Variants in CEP89 observed in about 807,000 individuals in gnomAD.
CEP89 encodes the protein centrosomal protein of 89 kDa.
CEP89 carries 95 observed loss-of-function variants against 97.6 expected under a neutral mutation model. The observed-to-expected ratio is 0.97, with a 90% CI of 0.82 to 1.15. The LOEUF is 1.15. Ranked by LOEUF, CEP89 falls within the 50% of genes most tolerant of loss-of-function variation. The pLI, the probability that CEP89 is intolerant of heterozygous loss-of-function variation, is 0.00. For missense variants in CEP89, 869 were observed against 947.7 expected (o/e 0.92, Z 1.09); for synonymous variants, 354 against 349.1 (o/e 1.01, Z -0.16).
intron 4 of CEP89, among the ~76,000 whole-genome samples, chr19:32,952,920 A>AAAAAG (rs1357447449): frequency 2.7e-5 from 4 of 150,652 alleles, no homozygotes; most frequent in Admixed American, 6.6e-5. Flanking sequence ...AAAAAAAAAA[A>AAAAAG]AAAAGAAAAG....
In CEP89 at chr19:32,948,298, G is replaced by A; in HGVS notation, c.563C>T (p.Ser188Phe). The change falls in exon 5 of 19, where the codon TCC (serine) becomes TTC (phenylalanine). Residue 188 changes from serine (S) to phenylalanine (F), a missense_variant. By Grantham distance (155) the Ser-to-Phe change is radical (BLOSUM62 -2). Coordinates refer to ENST00000305768, the MANE Select transcript of CEP89 (RefSeq NM_032816.5). ...NISHQDGFPG[S>F]PPAPQRTQQK... ...TTGTGTCCGCTGTGGTGCAGGAGGGGAGCCTGGAAACCCATCTTGATGAGA... is the reference window on the plus strand; with the variant it reads ...TTGTGTCCGCTGTGGTGCAGGAGGGAAGCCTGGAAACCCATCTTGATGAGA... 6.2e-7 allele frequency: 1 copy of A among 1,610,702 alleles called. No homozygotes were observed. The highest frequency in any genetic ancestry group is 8.5e-7 in the Non-Finnish European group (1 of 1,178,258).
intron 14 of CEP89, among the ~76,000 whole-genome samples, chr19:32,904,951 TTC>T (rs1969858859): frequency 6.6e-6 from 1 of 152,234 alleles, no homozygotes; most frequent in Non-Finnish European, 1.5e-5. Flanking sequence ...TTTATAAATT[TTC>T]TGTTTTGAAC....
At chr19:32,961,569 A>G (rs1383053715) in intron 2 of CEP89, among the ~76,000 whole-genome samples, 1 of 118,934 alleles carries the variant, frequency 8.4e-6, no homozygotes, top group Non-Finnish European at 1.6e-5. Context: ...ACAGAGCGAG[A>G]CTCCATCTCA....
chr19:32,925,557 C>T (rs537960610), intron 11 of CEP89, among the ~76,000 whole-genome samples: 13 of 146,602 alleles, frequency 8.9e-5, no homozygotes, highest in South Asian at 2.2e-4. Context: ...GATGCAATCT[C>T]GGCTCACTGC....
chr19:32,903,676 A>C lies in CEP89; in HGVS notation c.1566-2264T>G, dbSNP rs191546095. Among the ~76,000 whole-genome samples the C allele has an allele frequency of 1.5e-4, 23 of 152,352 alleles. No homozygotes were observed. In the East Asian group the frequency reaches 4.4e-3, roughly 29 times the overall value. ...ATAGTAATAGACACTGTCTGATTGA[A>C]GCCCAGAGAGAAACAAGTGTGGGCT... On this transcript the variant is annotated intron_variant, in intron 14 of 18. Coordinates refer to ENST00000305768, the MANE Select transcript of CEP89 (RefSeq NM_032816.5).
intron 5 of CEP89, among the ~76,000 whole-genome samples, chr19:32,942,590 A>G (rs2145943279): frequency 6.6e-6 from 1 of 152,316 alleles, no homozygotes; most frequent in South Asian, 2.1e-4. Flanking sequence ...ATAAAGATTA[A>G]ACTTACAATT....
intron 11 of CEP89, 59 bp from the exon 12 acceptor site, chr19:32,923,601 G>T (rs1970297385): frequency 1.9e-6 from 2 of 1,075,970 alleles, no homozygotes; most frequent in Non-Finnish European, 2.9e-6. Flanking sequence ...ATATTTCTCA[G>T]TTCTGGTGCT....
intron 12 of CEP89, among the ~76,000 whole-genome samples, chr19:32,921,096 C>T (rs1477206493): frequency 1.3e-5 from 2 of 151,794 alleles, no homozygotes; most frequent in Admixed American, 6.6e-5. Context: ...GTGGTGGGCG[C>T]CTGTAATCCC....
intron 11 of CEP89, among the ~76,000 whole-genome samples, chr19:32,924,004 CTTTTT>C (rs746080149): frequency 3.1e-5 from 4 of 129,740 alleles, no homozygotes; most frequent in African/African-American, 2.8e-5. Context: ...GGAGGAAGCT[CTTTTT>C]TTTTTTTTTT....
chr19:32,912,570 ACT>A (rs1443494185), intron 14 of CEP89, among the ~76,000 whole-genome samples: 6 of 151,502 alleles, frequency 4.0e-5, no homozygotes, highest in South Asian at 4.2e-4. Context: ...AAGAAATCTC[ACT>A]CTCTCTCTTT....
chr19:32,902,008 C>CTGTGTGTGTGTGTGTGTGTG (rs1265424963), intron 14 of CEP89, among the ~76,000 whole-genome samples: 54 of 99,640 alleles, frequency 5.4e-4, no homozygotes, highest in African/African-American at 2.2e-3. Flanking sequence ...CTCTCTCTCT[C>CTGTGTGTGTGTGTGTGTGTG]TCTGTGTGTG....
At chr19:32,942,849 CT>C (rs757161677) in intron 5 of CEP89, among the ~76,000 whole-genome samples, 20,605 of 136,172 alleles carry the variant, frequency 0.15, 1,752 homozygotes, top group Non-Finnish European at 0.21. Flanking sequence ...CTATTCCAGT[CT>C]TTTTTTTTTT....
At chr19:32,939,825 A>C (rs757506450) in intron 6 of CEP89, 32 bp downstream of exon 6, 4 of 1,001,474 alleles carry the variant, frequency 4.0e-6, no homozygotes, top group Non-Finnish European at 6.0e-6. Context: ...CTATTTATTG[A>C]GAAAATCAGT....
chr19:32,918,878 C>CTTTTCTTTT lies in CEP89; in HGVS notation c.1269-540_1269-539insAAAAGAAAA, dbSNP rs1568559832. Reference sequence around the variant, plus strand: ...GGTTTCTTTTTTCTTTTTTCTTTTTCTTTTTCTTTTTTTTTTTTTTTTTTG... The same window carrying CTTTTCTTTT: ...GGTTTCTTTTTTCTTTTTTCTTTTTCTTTTCTTTTTTTTTCTTTTTTTTTTTTTTTTTTG... On this transcript the variant is annotated intron_variant, in intron 12 of 18. Coordinates refer to ENST00000305768, the MANE Select transcript of CEP89 (RefSeq NM_032816.5). 1.8e-5 allele frequency among the ~76,000 whole-genome samples: 2 copies of CTTTTCTTTT among 110,844 alleles called. 1 individual carries two copies. Among genetic ancestry groups the CTTTTCTTTT allele is most frequent in the African/African-American group, 7.1e-5 (2 of 28,342 alleles). 72.7% of individuals were successfully genotyped at this position (110,844 alleles called of 152,430 possible).
intron 5 of CEP89, among the ~76,000 whole-genome samples, chr19:32,942,629 A>C (rs1267385498): frequency 6.6e-6 from 1 of 152,240 alleles, no homozygotes; most frequent in Non-Finnish European, 1.5e-5. Context: ...TGTTGTATTT[A>C]ATGTACATTT....
chr19:32,896,477 G>A (rs1969644326), intron 16 of CEP89, among the ~76,000 whole-genome samples: 1 of 152,032 alleles, frequency 6.6e-6, no homozygotes, highest in African/African-American at 2.4e-5. Context: ...ACTCACAATG[G>A]TTTAAAGACT....
At chr19:32,929,229 G>A (rs1043690387) in intron 9 of CEP89, among the ~76,000 whole-genome samples, 11 of 152,098 alleles carry the variant, frequency 7.2e-5, no homozygotes, top group African/African-American at 2.4e-4. Flanking sequence ...ACAAATGTAC[G>A]TGATATACAA....
chr19:32,927,913 TTTTTTC>T (rs1388946112), intron 9 of CEP89, among the ~76,000 whole-genome samples: 2 of 149,558 alleles, frequency 1.3e-5, no homozygotes, highest in African/African-American at 4.9e-5. Flanking sequence ...CTTTTTTTTT[TTTTTTC>T]TTTTTTTTTT....
At chr19:32,879,650 C>T (rs188092622) in intron 18 of CEP89, among the ~76,000 whole-genome samples, 24 of 152,352 alleles carry the variant, frequency 1.6e-4, no homozygotes, top group African/African-American at 5.3e-4. Flanking sequence ...AGGCATTTCT[C>T]TTCCCTCTAT....
Sources: allele counts gnomAD v4.1 joint callset (sites outside exome capture counted in the v4.1 genomes callset), GRCh38; gene constraint gnomAD v4.1.1; transcripts MANE v1.5; gene names NCBI Gene and HGNC (gene_info 2026-07-23, HGNC 2026-07-21).